MTHFD2L: variants seen among roughly 807,000 people sequenced by gnomAD.
MTHFD2L encodes methylenetetrahydrofolate dehydrogenase (NADP+ dependent) 2 like.
In MTHFD2L, 29 loss-of-function variants were observed where a neutral mutation model predicts 34.9. That is an observed-to-expected ratio of 0.83 (90% CI 0.62 to 1.13). MTHFD2L has a LOEUF of 1.13. MTHFD2L is among the 50% of genes most tolerant of loss of function. The pLI is 0.00. For synonymous variants in MTHFD2L, 167 were observed against 155.7 expected (o/e 1.07, Z -0.54); for missense variants, 481 against 446.5 (o/e 1.08, Z -0.70).
At chr4:74,143,555 G>C (rs773696745) in intron 1 of MTHFD2L, 66 of 407,790 alleles carry the variant, frequency 1.6e-4, no homozygotes, top group Non-Finnish European at 2.1e-4. Flanking sequence ...AGCCAAAGCA[G>C]CTCCATTTTC....
chr4:74,134,651 G>A (rs143653969), intron 1 of MTHFD2L, among the ~76,000 whole-genome samples: 413 of 152,122 alleles, frequency 2.7e-3, no homozygotes, highest in Non-Finnish European at 4.4e-3. Context: ...CTCCTGAGAT[G>A]GCGATTTGTG....
intron 5 of MTHFD2L, 139 bp from the exon 6 acceptor site, chr4:74,225,163 T>G (rs1383615076): frequency 1.5e-6 from 1 of 658,128 alleles, no homozygotes; most frequent in Non-Finnish European, 2.6e-6. Flanking sequence ...CTTGTATAGC[T>G]TTTGTGCTCA....
upstream of MTHFD2L, among the ~76,000 whole-genome samples, chr4:74,154,586 A>G (rs1171225682): frequency 6.6e-6 from 1 of 152,068 alleles, no homozygotes; most frequent in Non-Finnish European, 1.5e-5. Context: ...GGCATGAGGA[A>G]CCCTTTCAGT....
rs1745518430 is a variant in MTHFD2L at position 74,267,952 on chromosome 4, A to G, written c.806-13473A>G. 3.0e-6 allele frequency: 3 copies of G among 985,226 alleles called. No homozygotes were observed. In the South Asian group the frequency reaches 1.4e-4, roughly 46 times the overall value. The allele number at this position is 985,226 out of a possible 1,614,324, so 61.0% of individuals were successfully genotyped here. A position where few individuals can be genotyped will look rare whatever the true frequency, so the allele number is the denominator to read the frequency against. Reference sequence around the variant, plus strand: ...GTAAGGAACCTAGCACCATCCTGGTACCACAAGGAATAGAAGCTTTGGGGG... The same window carrying G: ...GTAAGGAACCTAGCACCATCCTGGTGCCACAAGGAATAGAAGCTTTGGGGG... On this transcript the variant is annotated intron_variant, in intron 6 of 7. Coordinates refer to ENST00000325278, the MANE Select transcript of MTHFD2L (RefSeq NM_001144978.3).
intron 6 of MTHFD2L, among the ~76,000 whole-genome samples, chr4:74,270,637 G>C (rs1395490693): frequency 6.6e-6 from 1 of 152,190 alleles, no homozygotes; most frequent in Non-Finnish European, 1.5e-5. Flanking sequence ...ACATACATCT[G>C]CATGTGTCTT....
At chr4:74,165,047 T>C (rs1186739167) in intron 1 of MTHFD2L, 1 of 976,836 alleles carries the variant, frequency 1.0e-6, no homozygotes, top group Non-Finnish European at 1.2e-6. Flanking sequence ...ACTATGTAAT[T>C]TTTTTGGCCA....
chr4:74,289,162 A>G (rs1748567926), intron 7 of MTHFD2L, among the ~76,000 whole-genome samples: 1 of 152,236 alleles, frequency 6.6e-6, no homozygotes, highest in Admixed American at 6.5e-5. Flanking sequence ...AAACAAATAC[A>G]TATCTATATA....
At chr4:74,298,080 A>G (rs1289594944) in intron 7 of MTHFD2L, among the ~76,000 whole-genome samples, 1 of 152,058 alleles carries the variant, frequency 6.6e-6, no homozygotes, top group African/African-American at 2.4e-5. Flanking sequence ...TAGAAACCTA[A>G]TATGTGTTTT....
intron 5 of MTHFD2L, among the ~76,000 whole-genome samples, chr4:74,208,926 G>A (rs975786666): frequency 2.0e-5 from 3 of 152,150 alleles, no homozygotes; most frequent in African/African-American, 7.2e-5. Context: ...CTGACAGAGG[G>A]TGCTGTTTTG....
chr4:74,200,805 A>T (rs1414998862), intron 4 of MTHFD2L, among the ~76,000 whole-genome samples: 1 of 152,168 alleles, frequency 6.6e-6, no homozygotes, highest in East Asian at 1.9e-4. Flanking sequence ...ACATCTTTCT[A>T]AGTCTGTAAG....
chr4:74,250,910 G>A (rs1246307301), intron 6 of MTHFD2L, among the ~76,000 whole-genome samples: 3 of 152,146 alleles, frequency 2.0e-5, no homozygotes, highest in Admixed American at 6.5e-5. Context: ...AAGTGGAGCT[G>A]CCTGGAGTTC....
upstream of MTHFD2L, among the ~76,000 whole-genome samples, chr4:74,121,742 A>G (rs1020952858): frequency 2.0e-5 from 3 of 148,112 alleles, no homozygotes; most frequent in Admixed American, 2.0e-4. Flanking sequence ...ATTATATATT[A>G]TAAATGTAAT....
intron 6 of MTHFD2L, among the ~76,000 whole-genome samples, chr4:74,254,706 C>T (rs1423513841): frequency 6.6e-6 from 1 of 151,888 alleles, no homozygotes; most frequent in African/African-American, 2.4e-5. Context: ...AGGTATAAAA[C>T]TCATTGTGAA....
chr4:74,223,117 T>C (rs989417002), intron 5 of MTHFD2L, among the ~76,000 whole-genome samples: 7 of 152,018 alleles, frequency 4.6e-5, no homozygotes, highest in African/African-American at 1.7e-4. Context: ...TGTTCTATCA[T>C]AGACACATGC....
intron 6 of MTHFD2L, among the ~76,000 whole-genome samples, chr4:74,253,259 A>G (rs1373139160): frequency 6.6e-6 from 1 of 152,192 alleles, no homozygotes; most frequent in Non-Finnish European, 1.5e-5. Context: ...ATATATGTTC[A>G]TCTGAGTGCT....
chr4:74,254,023 C>T (rs1383439564), intron 6 of MTHFD2L, among the ~76,000 whole-genome samples: 1 of 152,152 alleles, frequency 6.6e-6, no homozygotes, highest in East Asian at 1.9e-4. Flanking sequence ...AGGATGAGGT[C>T]CATGCCTTCA....
rs767390123 is a variant in MTHFD2L at position 74,201,286 on chromosome 4, G to T, written c.628G>T (p.Val210Leu). ...RTGIQTFGKNVVVAGRSKNVG... is the reference protein window; with the variant it reads ...RTGIQTFGKNLVVAGRSKNVG... ...AGGAATTCAAACATTTGGAAAAAAT[G>T]TGGTTGTGGCTGGAAGATCCAAGAA... Residue 210 changes from valine (V) to leucine (L), a missense_variant, in exon 5 of 8, where the codon GTG (valine) becomes TTG (leucine). By Grantham distance (32) the Val-to-Leu change is conservative. Coordinates refer to ENST00000325278, the MANE Select transcript of MTHFD2L (RefSeq NM_001144978.3). The T allele has an allele frequency of 1.2e-6, 2 of 1,613,590 alleles. No homozygotes were observed. Among genetic ancestry groups the T allele is most frequent in the Non-Finnish European group, 1.7e-6 (2 of 1,179,702 alleles).
At chr4:74,297,438 A>C (rs1295232609) in intron 7 of MTHFD2L, among the ~76,000 whole-genome samples, 2 of 152,064 alleles carry the variant, frequency 1.3e-5, no homozygotes, top group Non-Finnish European at 2.9e-5. Flanking sequence ...CCTCATTCCC[A>C]TATATACCAA....
intron 1 of MTHFD2L, among the ~76,000 whole-genome samples, chr4:74,169,191 C>T (rs562831422): frequency 7.9e-5 from 12 of 152,330 alleles, no homozygotes; most frequent in African/African-American, 2.2e-4. Context: ...GCTGACTTAG[C>T]ACCTCAGTGC....
Sources: allele counts gnomAD v4.1 joint callset (sites outside exome capture counted in the v4.1 genomes callset), GRCh38; gene constraint gnomAD v4.1.1; transcripts MANE v1.5; gene names NCBI Gene and HGNC (gene_info 2026-07-23, HGNC 2026-07-21).